GRM7: variants seen among roughly 807,000 people sequenced by gnomAD.
GRM7 encodes metabotropic glutamate receptor 7.
Under a neutral mutation model 84.5 loss-of-function variants are expected in GRM7, and 35 were observed. The observed-to-expected ratio is 0.41, with a 90% CI of 0.32 to 0.55. GRM7 has a LOEUF of 0.55. Ranked by LOEUF, GRM7 falls within the 20% of genes least tolerant of loss-of-function variation. The pLI is 0.19. For missense variants in GRM7, 1,003 were observed against 1,194.6 expected (o/e 0.84, Z 2.36); for synonymous variants, 487 against 455.1 (o/e 1.07, Z -0.89).
intron 1 of GRM7, among the ~76,000 whole-genome samples, chr3:7,047,060 T>C (rs13086392): frequency 1.6e-4 from 24 of 151,964 alleles, no homozygotes; most frequent in Admixed American, 1.6e-3. Flanking sequence ...CCAAAATCTA[T>C]AGTCATAGTT....
chr3:7,316,476 T>G (rs1377093804), intron 4 of GRM7, among the ~76,000 whole-genome samples: 1 of 151,894 alleles, frequency 6.6e-6, no homozygotes, highest in Non-Finnish European at 1.5e-5. Context: ...GACAGTAGGG[T>G]GAACCAGGGT....
At chr3:6,956,603 C>G (rs1341851877) in intron 1 of GRM7, 1 of 456,562 alleles carries the variant, frequency 2.2e-6, no homozygotes, top group Non-Finnish European at 4.4e-6. Flanking sequence ...TTTCCCAATC[C>G]TAAACGTCCT....
At position 7,641,437 on chromosome 3, in the gene GRM7, A is replaced by G. The variant is rs527921150; in HGVS notation, c.2452-38612A>G. Among the ~76,000 whole-genome samples, 8 of 152,288 alleles carry G rather than the reference A, an allele frequency of 5.3e-5. No homozygotes were observed. The East Asian group carries it at 1.5e-3, about 29-fold the overall frequency. ...ATAAAACCATGGAATATTTAGAAGC[A>G]CTTGTGGCTGAATATTATCTAATCT... is the stretch of plus-strand genomic sequence containing the variant. On this transcript the variant is annotated intron_variant, in intron 8 of 9. Coordinates refer to ENST00000357716, the MANE Select transcript of GRM7 (RefSeq NM_000844.4).
At chr3:7,725,950 C>T (rs942693113) in intron 9 of GRM7, among the ~76,000 whole-genome samples, 13 of 152,052 alleles carry the variant, frequency 8.5e-5, no homozygotes, top group Admixed American at 7.2e-4. Context: ...GTGTATTCAA[C>T]ATATGAATGC....
At chr3:7,472,997 G>T (rs1698764226) in intron 7 of GRM7, among the ~76,000 whole-genome samples, 2 of 152,204 alleles carry the variant, frequency 1.3e-5, no homozygotes, top group South Asian at 4.1e-4. Context: ...TGAGTTAGCA[G>T]TTCCACTTCT....
At chr3:7,162,800 C>T (rs1380317693) in intron 2 of GRM7, among the ~76,000 whole-genome samples, 1 of 102,018 alleles carries the variant, frequency 9.8e-6, no homozygotes, top group Non-Finnish European at 1.9e-5. Context: ...CATTCTGTTG[C>T]CCAGGCTGGA....
intron 2 of GRM7, among the ~76,000 whole-genome samples, chr3:7,243,220 T>C (rs1697626703): frequency 6.6e-6 from 1 of 152,136 alleles, no homozygotes; most frequent in Non-Finnish European, 1.5e-5. Flanking sequence ...TTTGCAAAGC[T>C]CTGACCTAAA....
At chr3:7,661,749 G>A (rs999155152) in intron 8 of GRM7, among the ~76,000 whole-genome samples, 6 of 123,094 alleles carry the variant, frequency 4.9e-5, no homozygotes, top group Admixed American at 1.1e-4. Flanking sequence ...AGCCGAGATC[G>A]TGCCACTGCA....
chr3:7,485,499 A>G (rs1320349875), intron 7 of GRM7, among the ~76,000 whole-genome samples: 1 of 152,232 alleles, frequency 6.6e-6, no homozygotes, highest in Non-Finnish European at 1.5e-5. Flanking sequence ...ATCTGTTGAT[A>G]ATAGCTTTAT....
chr3:7,690,370 T>G (rs1281680095), intron 9 of GRM7, among the ~76,000 whole-genome samples: 1 of 152,140 alleles, frequency 6.6e-6, no homozygotes, highest in Non-Finnish European at 1.5e-5. Context: ...GAAACATTTA[T>G]AAGTGAATAT....
At chr3:7,697,741 A>G (rs1701072917) in intron 9 of GRM7, among the ~76,000 whole-genome samples, 1 of 152,138 alleles carries the variant, frequency 6.6e-6, no homozygotes, top group South Asian at 2.1e-4. Flanking sequence ...CATGGTGCAT[A>G]TCTCCCCAAG....
intron 2 of GRM7, among the ~76,000 whole-genome samples, chr3:7,168,935 A>G (rs957947963): frequency 1.3e-5 from 2 of 152,198 alleles, no homozygotes; most frequent in Admixed American, 6.5e-5. Flanking sequence ...ATGAGAACAG[A>G]CCAGAAAAGG....
intron 2 of GRM7, among the ~76,000 whole-genome samples, chr3:7,208,355 C>G (rs1021076772): frequency 6.6e-6 from 1 of 152,130 alleles, no homozygotes; most frequent in African/African-American, 2.4e-5. Flanking sequence ...GGGCTTGGGG[C>G]TAGATGGTCT....
Position 6,896,156 on chromosome 3 carries a change from T to A in GRM7, c.519+34249T>A, listed in dbSNP as rs564418507. On this transcript the variant is annotated intron_variant, in intron 1 of 9. Coordinates refer to ENST00000357716, the MANE Select transcript of GRM7 (RefSeq NM_000844.4). ...AGTTTGGAAGCCATTCCAAAGGATG[T>A]GAATTGGAGCTGTGCTGTGCTGTTG... Among the ~76,000 whole-genome samples the A allele has an allele frequency of 2.0e-4, 31 of 152,312 alleles. No homozygotes were observed. The South Asian group carries it at 6.4e-3, about 32-fold the overall frequency.
intron 7 of GRM7, among the ~76,000 whole-genome samples, chr3:7,490,096 G>A (rs1901048): frequency 0.13 from 19,130 of 151,844 alleles, 2,064 homozygotes; most frequent in African/African-American, 0.3. Context: ...GATATCAATT[G>A]AATTTTAAAA....
intron 1 of GRM7, among the ~76,000 whole-genome samples, chr3:6,942,153 T>A (rs996489576): frequency 2.0e-5 from 3 of 152,002 alleles, no homozygotes; most frequent in African/African-American, 4.8e-5. Context: ...CTTTTTTTTT[T>A]ATTATCCCTC....
chr3:7,216,269 T>C (rs1227828231), intron 2 of GRM7, among the ~76,000 whole-genome samples: 2 of 152,210 alleles, frequency 1.3e-5, no homozygotes, highest in African/African-American at 4.8e-5. Context: ...CTCGTGTCTT[T>C]GCTACATCAC....
chr3:7,315,233 C>T (rs1249894781), intron 4 of GRM7, among the ~76,000 whole-genome samples: 2 of 152,192 alleles, frequency 1.3e-5, no homozygotes, highest in African/African-American at 2.4e-5. Flanking sequence ...TCCTGCTTGC[C>T]CTGACCTAGG....
chr3:7,614,641 A>T (rs112869716), intron 8 of GRM7, among the ~76,000 whole-genome samples: 44 of 152,304 alleles, frequency 2.9e-4, no homozygotes, highest in African/African-American at 1.0e-3. Flanking sequence ...ACAGTCAGCA[A>T]ATATATAATT....
Sources: allele counts gnomAD v4.1 joint callset (sites outside exome capture counted in the v4.1 genomes callset), GRCh38; gene constraint gnomAD v4.1.1; transcripts MANE v1.5; gene names NCBI Gene and HGNC (gene_info 2026-07-23, HGNC 2026-07-21).